The following EVI5 variants were observed in gnomAD, a reference collection of about 807,000 sequenced individuals.
EVI5 encodes the protein ecotropic viral integration site 5 protein homolog.
A neutral mutation model predicts 112.0 loss-of-function variants in EVI5; 73 were observed. That is an observed-to-expected ratio of 0.65 (90% CI 0.54 to 0.79). The LOEUF (loss-of-function observed/expected upper bound fraction) is 0.79. EVI5 is among the 30% of genes least tolerant of loss of function. The pLI, the probability that EVI5 is intolerant of heterozygous loss-of-function variation, is 0.00. For synonymous variants in EVI5, 305 were observed against 319.9 expected (o/e 0.95, Z 0.50); for missense variants, 900 against 968.8 (o/e 0.93, Z 0.94).
At position 92,693,892 on chromosome 1, in the gene EVI5, T is replaced by G. The variant is rs1043225244; in HGVS notation, c.1007A>C (p.Gln336Pro). 1 of 1,575,704 alleles carries G rather than the reference T, an allele frequency of 6.3e-7. No individual in the cohort carries two copies. Among genetic ancestry groups the G allele is most frequent in the Non-Finnish European group, 8.7e-7 (1 of 1,147,446 alleles). The change falls in exon 9 of 20, where the codon CAA (glutamine) becomes CCA (proline). Residue 336 changes from glutamine (Q) to proline (P), a missense_variant. Gln to Pro is a moderately conservative substitution (Grantham distance 76). Coordinates refer to ENST00000684568, the MANE Select transcript of EVI5 (RefSeq NM_001350197.2). ...ATCAAACTGATGTGGAATGACCTTT[T>G]GAAAGTGCTAAGATACAATTAAAAA... ...LDMEGMLQHF[Q>P]KVIPHQFDGV...
intron 10 of EVI5, among the ~76,000 whole-genome samples, chr1:92,669,345 C>T (rs1236858602): frequency 2.6e-5 from 4 of 151,708 alleles, no homozygotes; most frequent in Non-Finnish European, 4.4e-5. Flanking sequence ...GCCAGAAGTT[C>T]GAGACCAGCC....
chr1:92,792,384 T>A lies in EVI5; in HGVS notation c.11A>T (p.Asn4Ile). The change falls in exon 1 of 18, where the codon AAC (asparagine) becomes ATC (isoleucine). Residue 4 changes from asparagine (N) to isoleucine (I), a missense_variant. Physicochemically the swap from Asn to Ile is moderately radical, Grantham distance 149. Coordinates refer to the EVI5 transcript ENST00000370331. ...GTTTCTAAAGGCAGCAGTCATTTTG[T>A]TGGTAACCATGATAAGCAGAGAAGA... is the stretch of plus-strand genomic sequence containing the variant. The A allele has an allele frequency of 3.7e-6, 6 of 1,610,598 alleles. No individual in the cohort carries two copies. Among genetic ancestry groups the A allele is most frequent in the Non-Finnish European group, 4.2e-6 (5 of 1,176,768 alleles).
chr1:92,528,379 A>C (rs760143196), intron 19 of EVI5, among the ~76,000 whole-genome samples: 1 of 152,242 alleles, frequency 6.6e-6, no homozygotes, highest in Non-Finnish European at 1.5e-5. Context: ...GTTGTTACAC[A>C]GTAATTTTTA....
chr1:92,708,945 G>A (rs1004414235), intron 2 of EVI5, among the ~76,000 whole-genome samples: 2 of 152,186 alleles, frequency 1.3e-5, no homozygotes, highest in South Asian at 2.1e-4. Flanking sequence ...TGTAGTAGGA[G>A]TGAAGGTAGT....
At chr1:92,627,624 C>G (rs1475132510) in intron 14 of EVI5, among the ~76,000 whole-genome samples, 1 of 152,180 alleles carries the variant, frequency 6.6e-6, no homozygotes, top group Non-Finnish European at 1.5e-5. Flanking sequence ...AGTGGCAGTA[C>G]TAGTTTACAT....
intron 1 of EVI5, among the ~76,000 whole-genome samples, chr1:92,765,921 C>A (rs1682564234): frequency 6.6e-6 from 1 of 151,694 alleles, no homozygotes; most frequent in South Asian, 2.1e-4. Context: ...ACAAAAAAAT[C>A]TTTTAAAAAC....
Position 92,665,957 on chromosome 1 carries a change from G to T in EVI5, c.1194C>A (p.Arg398=). 1 of 1,607,640 alleles carries T rather than the reference G, an allele frequency of 6.2e-7. No individual in the cohort carries two copies. The change falls in exon 11 of 20, where the codon CGC becomes CGA. Residue 398 remains arginine, a synonymous_variant. Transcript: ENST00000684568. ...LRTENRLLKQ[R]IETLEKESAS... is the part of the protein sequence containing the mutation. ...TACTTACTTTTTCTAATGTCTCGATGCGCTGTTTTAAAAGTCTATTTTCTG... is the reference window on the plus strand; with the variant it reads ...TACTTACTTTTTCTAATGTCTCGATTCGCTGTTTTAAAAGTCTATTTTCTG...
intron 11 of EVI5, among the ~76,000 whole-genome samples, chr1:92,665,057 T>G (rs1664651246): frequency 6.6e-6 from 1 of 151,976 alleles, no homozygotes; most frequent in South Asian, 2.1e-4. Flanking sequence ...ATACAAAAAT[T>G]AGCTAGGCGT....
At position 92,633,911 on chromosome 1, in the gene EVI5, G is replaced by T. The variant is rs570650114; in HGVS notation, c.1527+2291C>A. ...AATCTCTCACCATTTGCTTGACTGA[G>T]GAGGATTTTATTTCTCCTTCACTTA... On this transcript the variant is annotated intron_variant, in intron 14 of 19. Transcript: ENST00000684568. 7.8e-4 allele frequency among the ~76,000 whole-genome samples: 118 copies of T among 152,196 alleles called. 1 individual carries two copies. Among genetic ancestry groups the T allele is most frequent in the African/African-American group, 2.7e-3 (113 of 41,544 alleles).
chr1:92,786,235 GAAAAAAAA>G (rs33914637), upstream of EVI5, among the ~76,000 whole-genome samples: 1 of 139,836 alleles, frequency 7.2e-6, no homozygotes, highest in East Asian at 2.0e-4. Context: ...AAGCATTTCA[GAAAAAAAA>G]AAAAAAAAAA....
intron 9 of EVI5, among the ~76,000 whole-genome samples, chr1:92,685,727 A>G (rs1668403919): frequency 6.6e-6 from 1 of 152,210 alleles, no homozygotes; most frequent in African/African-American, 2.4e-5. Context: ...ATCACCACCG[A>G]TCCCACAGAA....
At chr1:92,564,607 G>A (rs957558537) in intron 18 of EVI5, among the ~76,000 whole-genome samples, 1 of 152,024 alleles carries the variant, frequency 6.6e-6, no homozygotes, top group African/African-American at 2.4e-5. Context: ...TATTTTCTAG[G>A]GATATAGATT....
intron 15 of EVI5, among the ~76,000 whole-genome samples, chr1:92,625,115 A>G (rs1003262729): frequency 6.6e-6 from 1 of 151,994 alleles, no homozygotes; most frequent in South Asian, 2.1e-4. Flanking sequence ...AATACATTAG[A>G]AAAAAAATGG....
chr1:92,627,288 T>A (rs1349854083), intron 14 of EVI5, among the ~76,000 whole-genome samples: 1 of 152,220 alleles, frequency 6.6e-6, no homozygotes, highest in South Asian at 2.1e-4. Context: ...CTGAGTTACT[T>A]CACTTAGAAT....
intron 19 of EVI5, among the ~76,000 whole-genome samples, chr1:92,546,812 G>A (rs1424113629): frequency 1.3e-5 from 2 of 152,132 alleles, no homozygotes; most frequent in Admixed American, 1.3e-4. Flanking sequence ...TCCTAAACAC[G>A]TATCACCCAA....
At chr1:92,780,853 T>A (rs1449533577) in intron 1 of EVI5, among the ~76,000 whole-genome samples, 6 of 119,142 alleles carry the variant, frequency 5.0e-5, no homozygotes, top group African/African-American at 1.5e-4. Context: ...AAAAAGTAAA[T>A]TTTTTTTTTT....
At chr1:92,657,483 C>T (rs774571062) in intron 13 of EVI5, among the ~76,000 whole-genome samples, 4 of 151,892 alleles carry the variant, frequency 2.6e-5, no homozygotes, top group South Asian at 2.1e-4. Context: ...GGTAACATGG[C>T]GAAAACCCAT....
intron 1 of EVI5, among the ~76,000 whole-genome samples, chr1:92,782,676 A>T (rs1235305921): frequency 6.6e-6 from 1 of 152,220 alleles, no homozygotes; most frequent in Non-Finnish European, 1.5e-5. Flanking sequence ...GAAAATGTTC[A>T]ACAATTTCTA....
At chr1:92,577,771 C>T (rs767909701) in intron 18 of EVI5, among the ~76,000 whole-genome samples, 2 of 152,194 alleles carry the variant, frequency 1.3e-5, no homozygotes, top group Non-Finnish European at 2.9e-5. Flanking sequence ...GCTCATGAGA[C>T]ATTGCTCACA....
Sources: allele counts gnomAD v4.1 joint callset (sites outside exome capture counted in the v4.1 genomes callset), GRCh38; gene constraint gnomAD v4.1.1; transcripts MANE v1.5; gene names NCBI Gene and HGNC (gene_info 2026-07-23, HGNC 2026-07-21).